Variants in NOTCH1 observed in about 807,000 individuals in gnomAD.
NOTCH1 encodes neurogenic locus notch homolog protein 1.
NOTCH1 carries 37 observed loss-of-function variants against 254.8 expected under a neutral mutation model. The ratio of observed to expected loss-of-function variants is 0.15; its 90% CI spans 0.11 to 0.19. The LOEUF (loss-of-function observed/expected upper bound fraction) is 0.19. Among genes scored for constraint, NOTCH1 ranks in the 10% least tolerant of loss-of-function variants. NOTCH1 has a pLI of 1.00. For missense variants in NOTCH1, 2,972 were observed against 3,708.6 expected (o/e 0.80, Z 5.16); for synonymous variants, 1,731 against 1,618.1 (o/e 1.07, Z -1.68).
intron 2 of NOTCH1, among the ~76,000 whole-genome samples, chr9:136,542,604 C>G (rs73567933): frequency 7.5e-6 from 1 of 133,636 alleles, no homozygotes; most frequent in African/African-American, 2.7e-5. Context: ...AAGACACAAT[C>G]GGCTTTGTCC....
Position 136,517,936 on chromosome 9 carries a change from A to C in NOTCH1, c.1257T>G (p.Gly419=), listed in dbSNP as rs768401524. The C allele has an allele frequency of 1.2e-6, 2 of 1,609,472 alleles. No individual in the cohort carries two copies. Among genetic ancestry groups the C allele is most frequent in the Non-Finnish European group, 1.7e-6 (2 of 1,179,832 alleles). The stretch of plus-strand genomic sequence containing the variant: ...TGCCCGCATGCTCGCAGGGGTTGGC[A>C]CCTGGCGAGGGCACACGGGTGAGAG... ...CSQDVDECSL[G]ANPCEHAGKC... Residue 419 remains glycine, a splice_region_variant and synonymous_variant, in exon 8 of 34, where the codon GGT becomes GGG. Coordinates refer to ENST00000651671, the MANE Select transcript of NOTCH1 (RefSeq NM_017617.5).
Position 136,518,306 on chromosome 9 carries a change from G to A in NOTCH1, c.1100-14C>T, listed in dbSNP as rs562148507. The A allele has an allele frequency of 1.4e-4, 223 of 1,606,256 alleles. 1 individual carries two copies. The highest frequency in any genetic ancestry group is 1.2e-3 in the African/African-American group (92 of 74,948). Reference sequence around the variant, plus strand: ...GGCACAGCAGACCTGGGCAGGCAGCGGCGGTCAGTGGGCACGGCCCCTGGG... The same window carrying A: ...GGCACAGCAGACCTGGGCAGGCAGCAGCGGTCAGTGGGCACGGCCCCTGGG... On this transcript the variant is annotated splice_polypyrimidine_tract_variant and intron_variant, in intron 6 of 33. Coordinates refer to ENST00000651671, the MANE Select transcript of NOTCH1 (RefSeq NM_017617.5).
intron 16 of NOTCH1, 76 bp from the exon 17 acceptor site, chr9:136,510,881 C>T: frequency 6.3e-7 from 1 of 1,580,630 alleles, no homozygotes; most frequent in Non-Finnish European, 8.6e-7. Context: ...GGCCCACCCA[C>T]CTACAGTGCC....
chr9:136,530,847 T>C lies in NOTCH1; in HGVS notation c.141-6868A>G, dbSNP rs934524706. Among the ~76,000 whole-genome samples the C allele has an allele frequency of 2.0e-5, 3 of 152,032 alleles. No homozygotes were observed. The East Asian group carries it at 5.8e-4, about 29-fold the overall frequency. ...GATGGCTCAGAGGCAGGGAAGGCAATGGACAGGCCCACAGCAGCGCTGCTG... is the reference window on the plus strand; with the variant it reads ...GATGGCTCAGAGGCAGGGAAGGCAACGGACAGGCCCACAGCAGCGCTGCTG... On this transcript the variant is annotated intron_variant, in intron 2 of 33. Coordinates refer to ENST00000651671, the MANE Select transcript of NOTCH1 (RefSeq NM_017617.5).
At chr9:136,498,080 C>T (rs1192688216) in intron 33 of NOTCH1, among the ~76,000 whole-genome samples, 2 of 152,146 alleles carry the variant, frequency 1.3e-5, no homozygotes, top group African/African-American at 4.8e-5. Flanking sequence ...GCTTCCCAGG[C>T]CTTGATGCCC....
At chr9:136,501,723 A>T (rs769102234) in intron 30 of NOTCH1, 25 bp downstream of exon 30, 1 of 1,608,730 alleles carries the variant, frequency 6.2e-7, no homozygotes, top group Non-Finnish European at 8.5e-7. Flanking sequence ...GGGGCTAGGG[A>T]AGCCCTGGCT....
At chr9:136,520,609 G>A (rs550080787) in intron 4 of NOTCH1, among the ~76,000 whole-genome samples, 48 of 152,166 alleles carry the variant, frequency 3.2e-4, no homozygotes, top group African/African-American at 1.0e-3. Context: ...TGGTGGCGCC[G>A]GCCTGTGGTC....
At chr9:136,527,032 C>T (rs375882273) in intron 2 of NOTCH1, among the ~76,000 whole-genome samples, 140 of 152,334 alleles carry the variant, frequency 9.2e-4, no homozygotes, top group African/African-American at 3.2e-3. Context: ...TTCCGTGAGA[C>T]GCGCTAGCTG....
At chr9:136,543,197 A>C (rs1156577602) in intron 2 of NOTCH1, 1 of 169,850 alleles carries the variant, frequency 5.9e-6, no homozygotes, top group Non-Finnish European at 1.3e-5. Flanking sequence ...CCGATTTTGA[A>C]GAGTCAATTT....
intron 9 of NOTCH1, among the ~76,000 whole-genome samples, chr9:136,516,623 G>A (rs576205043): frequency 5.3e-5 from 8 of 152,138 alleles, no homozygotes; most frequent in Non-Finnish European, 8.8e-5. Context: ...GACATGGCAG[G>A]ACAGGGCAGG....
chr9:136,530,865 C>G (rs1053247774), intron 2 of NOTCH1, among the ~76,000 whole-genome samples: 1 of 152,178 alleles, frequency 6.6e-6, no homozygotes, highest in African/African-American at 2.4e-5. Flanking sequence ...CCCACAGCAG[C>G]GCTGCTGGAG....
intron 15 of NOTCH1, among the ~76,000 whole-genome samples, chr9:136,511,724 C>T (rs1843184687): frequency 6.6e-6 from 1 of 152,238 alleles, no homozygotes; most frequent in Non-Finnish European, 1.5e-5. Flanking sequence ...TCCTGGGGCT[C>T]CGTGTCACAG....
intron 2 of NOTCH1, among the ~76,000 whole-genome samples, chr9:136,533,583 G>A (rs935321167): frequency 6.6e-6 from 1 of 152,228 alleles, no homozygotes. Context: ...GCCCCTGCCT[G>A]CCACGGCCAC....
rs1180150258 is a variant in NOTCH1, at chr9:136,506,385, A to G, written c.4014+142T>C. ...TCTCTAAAATCATTTATTGAAACTA[A>G]AAAAAAAAAAAAGACATCAGGGTGA... On this transcript the variant is annotated intron_variant, in intron 24 of 33. Coordinates refer to ENST00000651671, the MANE Select transcript of NOTCH1 (RefSeq NM_017617.5). This position sits in a 1 kb window ranked among gnomAD's most constrained non-coding sequence, Gnocchi z 4.5. 8.6e-6 allele frequency: 3 copies of G among 348,640 alleles called. No individual in the cohort carries two copies. The highest frequency in any genetic ancestry group is 1.5e-5 in the Non-Finnish European group (3 of 197,436). 21.6% of individuals were successfully genotyped at this position (348,640 alleles called of 1,614,324 possible). A position where few individuals can be genotyped will look rare whatever the true frequency, so the allele number is the denominator to read the frequency against.
chr9:136,526,116 G>A (rs1239038286), intron 2 of NOTCH1, among the ~76,000 whole-genome samples: 1 of 152,234 alleles, frequency 6.6e-6, no homozygotes, highest in Non-Finnish European at 1.5e-5. Context: ...TGCAGCGACA[G>A]ACCTGCCTCT....
Position 136,496,828 on chromosome 9 carries a change from A to G in NOTCH1, c.6911T>C (p.Leu2304Ser), listed in dbSNP as rs767026249. ...GGACAGCCACTCGCATTGACCATTC[A>G]AACTGGTGGACCCGCCCACAGTGAA... Reference protein sequence around the residue: ...LNFTVGGSTSLNGQCEWLSRL... With the variant: ...LNFTVGGSTSSNGQCEWLSRL... Residue 2304 changes from leucine to serine, a missense_variant, in exon 34 of 34, where the codon TTG becomes TCG. This residue lies in a region of NOTCH1 where 529 missense variants were observed against 529.2 expected (regional missense o/e 1.00). Transcript: ENST00000651671. 1.2e-6 allele frequency: 2 copies of G among 1,612,814 alleles called. No homozygotes were observed. The highest frequency in any genetic ancestry group is 1.7e-6 in the Non-Finnish European group (2 of 1,180,006).
At chr9:136,537,092 G>A (rs1302955703) in intron 2 of NOTCH1, among the ~76,000 whole-genome samples, 1 of 152,210 alleles carries the variant, frequency 6.6e-6, no homozygotes, top group Non-Finnish European at 1.5e-5. Context: ...CTGGGAATAT[G>A]CCAGGACTCC....
At chr9:136,519,390 T>C in intron 5 of NOTCH1, 53 bp downstream of exon 5, 2 of 1,606,846 alleles carry the variant, frequency 1.2e-6, no homozygotes, top group South Asian at 1.1e-5. Flanking sequence ...GTTTAGTAAG[T>C]GGGTAGCAGC....
chr9:136,507,908 G>A (rs1475443412), intron 21 of NOTCH1, 47 bp downstream of exon 21: 1 of 1,592,676 alleles, frequency 6.3e-7, no homozygotes, highest in African/African-American at 1.3e-5. Flanking sequence ...CTGGTGTGTG[G>A]CAACACTCGT....
Sources: allele counts gnomAD v4.1 joint callset (sites outside exome capture counted in the v4.1 genomes callset), GRCh38; gene constraint gnomAD v4.1.1; regional missense constraint gnomAD v4.1.1; non-coding constraint Gnocchi (gnomAD v3.1); transcripts MANE v1.5; gene names NCBI Gene and HGNC (gene_info 2026-07-23, HGNC 2026-07-21).